Variants in PHACTR1 observed in about 807,000 individuals in gnomAD.
The protein encoded by PHACTR1 is phosphatase and actin regulator 1.
A neutral mutation model predicts 69.2 loss-of-function variants in PHACTR1; 16 were observed. The ratio of observed to expected loss-of-function variants is 0.23; its 90% confidence interval spans 0.16 to 0.35. PHACTR1 has a LOEUF of 0.35. Among genes scored for constraint, PHACTR1 ranks in the 10% least tolerant of loss-of-function variants. The pLI, the probability that PHACTR1 is intolerant of heterozygous loss-of-function variation, is 1.00. For synonymous variants in PHACTR1, 312 were observed against 284.5 expected, an observed-to-expected ratio of 1.10 and a Z score of -0.97; for missense variants, 510 against 734.7, an observed-to-expected ratio of 0.69 and a Z score of 3.54.
At chr6:13,022,064 A>G (rs1801055435) in intron 4 of PHACTR1, among the ~76,000 whole-genome samples, 1 of 152,156 alleles carries the variant, frequency 6.6e-6, no homozygotes, top group Admixed American at 6.5e-5. Flanking sequence ...CTGCCTGGAG[A>G]TTCACACTTT....
chr6:12,748,265 G>T (rs1475212566), intron 3 of PHACTR1, among the ~76,000 whole-genome samples: 3 of 152,166 alleles, frequency 2.0e-5, no homozygotes, highest in African/African-American at 2.4e-5. Context: ...GAAGGTAAAA[G>T]ACCAATGAAG....
At chr6:12,887,966 G>A (rs1034942410) in intron 4 of PHACTR1, among the ~76,000 whole-genome samples, 1 of 151,106 alleles carries the variant, frequency 6.6e-6, no homozygotes, top group Non-Finnish European at 1.5e-5. Context: ...CCAGCTACTC[G>A]GGAGGCTGAA....
At chr6:13,080,431 G>T (rs1303674124) in intron 5 of PHACTR1, among the ~76,000 whole-genome samples, 1 of 152,068 alleles carries the variant, frequency 6.6e-6, no homozygotes, top group African/African-American at 2.4e-5. Flanking sequence ...GGGTCAAAAT[G>T]GATAAGACTT....
At chr6:12,983,708 C>A (rs909966024) in intron 4 of PHACTR1, among the ~76,000 whole-genome samples, 4 of 152,136 alleles carry the variant, frequency 2.6e-5, no homozygotes, top group African/African-American at 9.7e-5. Context: ...CCCGCCACCC[C>A]ACGACAGACC....
At chr6:13,136,981 T>C (rs1424391716) in intron 5 of PHACTR1, among the ~76,000 whole-genome samples, 1 of 152,192 alleles carries the variant, frequency 6.6e-6, no homozygotes, top group Admixed American at 6.5e-5. Flanking sequence ...TTGCAAGAAT[T>C]ATCAAAATGT....
At chr6:12,961,873 T>G (rs1490480563) in intron 4 of PHACTR1, among the ~76,000 whole-genome samples, 4 of 152,186 alleles carry the variant, frequency 2.6e-5, no homozygotes, top group Non-Finnish European at 5.9e-5. Flanking sequence ...TCCTCCCACA[T>G]AGTTGTCCCT....
chr6:12,727,141 A>T (rs943679232), intron 3 of PHACTR1, among the ~76,000 whole-genome samples: 1 of 152,064 alleles, frequency 6.6e-6, no homozygotes, highest in African/African-American at 2.4e-5. Flanking sequence ...TACCCTCCTA[A>T]CTGCCCACTC....
chr6:13,044,733 C>T (rs757252959), intron 4 of PHACTR1, among the ~76,000 whole-genome samples: 1 of 152,174 alleles, frequency 6.6e-6, no homozygotes, highest in Non-Finnish European at 1.5e-5. Context: ...CTCCTAGTTT[C>T]GTAATATTTT....
chr6:13,255,308 A>G (rs921882507), intron 10 of PHACTR1, among the ~76,000 whole-genome samples: 24 of 152,288 alleles, frequency 1.6e-4, no homozygotes, highest in Admixed American at 3.9e-4. Context: ...CCATCATTCA[A>G]TCACCTCCCA....
At chr6:12,802,614 A>G (rs1773836949) in intron 4 of PHACTR1, among the ~76,000 whole-genome samples, 1 of 152,180 alleles carries the variant, frequency 6.6e-6, no homozygotes, top group Non-Finnish European at 1.5e-5. Flanking sequence ...TCTGCCACCA[A>G]AAAAGAGAAA....
At chr6:12,883,997 TACACACATAACC>T (rs1342015806) in intron 4 of PHACTR1, among the ~76,000 whole-genome samples, 3 of 149,626 alleles carry the variant, frequency 2.0e-5, no homozygotes, top group Non-Finnish European at 4.4e-5. Context: ...TACACAAATA[TACACACATAACC>T]ACACACATGT....
In PHACTR1 at chr6:12,851,149, G is replaced by C. The variant is rs570846261; in HGVS notation, c.250+101359G>C. On this transcript the variant is annotated intron_variant, in intron 4 of 14. Transcript: ENST00000332995. The stretch of plus-strand genomic sequence containing the variant: ...ATAATTATTGCAAACTCATACAAAG[G>C]CAATAGATTTAGAAAATCGGACATG... Among the ~76,000 whole-genome samples the C allele has an allele frequency of 3.9e-5, 6 of 152,232 alleles. No homozygotes were observed. In the South Asian group the frequency reaches 1.2e-3, roughly 32 times the overall value.
chr6:12,788,215 C>G (rs1771791394), intron 4 of PHACTR1, among the ~76,000 whole-genome samples: 1 of 149,566 alleles, frequency 6.7e-6, no homozygotes, highest in Admixed American at 6.7e-5. Flanking sequence ...CAGACCCACG[C>G]TTCCCTCCCC....
intron 5 of PHACTR1, among the ~76,000 whole-genome samples, chr6:13,132,905 A>C (rs1820700343): frequency 1.3e-5 from 2 of 151,932 alleles, no homozygotes; most frequent in African/African-American, 4.8e-5. Context: ...GCATTGATTG[A>C]CCCTTCCTTT....
intron 7 of PHACTR1, 121 bp downstream of exon 7, chr6:13,182,807 G>C (rs539239295): frequency 2.2e-6 from 2 of 930,194 alleles, no homozygotes; most frequent in South Asian, 3.0e-5. Context: ...TAAGGATCTG[G>C]AAATTTAGTG....
At position 13,160,155 on chromosome 6, in the gene PHACTR1, A is replaced by G. The variant is rs61430169; in HGVS notation, c.416-49A>G. On this transcript the variant is annotated intron_variant, in intron 5 of 14. Coordinates refer to ENST00000332995, the MANE Select transcript of PHACTR1 (RefSeq NM_030948.6). ...TTAACATAGGATCCTTTAGAAGACA[A>G]CTTTGTTACCTACTCACATCTGCCT... is the stretch of plus-strand genomic sequence containing the variant. The G allele has an allele frequency of 5.0e-3, 7,673 of 1,525,736 alleles. 324 individuals are homozygous for G. In the African/African-American group the frequency reaches 0.09, roughly 18 times the overall value. The allele number at this position is 1,525,736 out of a possible 1,614,324, so 94.5% of individuals were successfully genotyped here. A position where few individuals can be genotyped will look rare whatever the true frequency, so the allele number is the denominator to read the frequency against.
chr6:13,028,650 T>C (rs1369926096), intron 4 of PHACTR1, among the ~76,000 whole-genome samples: 3 of 152,206 alleles, frequency 2.0e-5, no homozygotes, highest in Non-Finnish European at 4.4e-5. Context: ...GTGCGTCCTG[T>C]ACATTGTAGG....
intron 4 of PHACTR1, among the ~76,000 whole-genome samples, chr6:12,948,273 A>T (rs1478842445): frequency 6.6e-6 from 1 of 152,216 alleles, no homozygotes; most frequent in African/African-American, 2.4e-5. Flanking sequence ...GTTTGAAACA[A>T]TCATGATCAT....
At chr6:13,068,611 CGTT>C (rs1012908823) in intron 5 of PHACTR1, among the ~76,000 whole-genome samples, 2 of 152,156 alleles carry the variant, frequency 1.3e-5, no homozygotes, top group Non-Finnish European at 2.9e-5. Flanking sequence ...CCTTTAGACA[CGTT>C]GTACAATTCC....
Sources: allele counts gnomAD v4.1 joint callset (sites outside exome capture counted in the v4.1 genomes callset), GRCh38; gene constraint gnomAD v4.1.1; transcripts MANE v1.5; gene names NCBI Gene and HGNC (gene_info 2026-07-23, HGNC 2026-07-21).